The following DOCK4 variants were observed in gnomAD, a reference collection of about 807,000 sequenced individuals.
DOCK4 encodes the protein dedicator of cytokinesis 4.
Under a neutral mutation model 268.1 loss-of-function variants are expected in DOCK4, and 97 were observed. The observed-to-expected ratio is 0.36, with a 90% CI of 0.31 to 0.43. The LOEUF is 0.43. Ranked by LOEUF, DOCK4 falls within the 20% of genes least tolerant of loss-of-function variation. The pLI is 1.00. For missense variants in DOCK4, 2,145 were observed against 2,455.7 expected (o/e 0.87, Z 2.67); for synonymous variants, 954 against 887.2 (o/e 1.08, Z -1.34).
chr7:111,942,071 C>T (rs1477746139), intron 10 of DOCK4, among the ~76,000 whole-genome samples: 1 of 152,144 alleles, frequency 6.6e-6, no homozygotes, highest in Non-Finnish European at 1.5e-5. Flanking sequence ...ACAGTTCTGA[C>T]TGGGCTTTGG....
chr7:111,913,994 A>G (rs1158506575), intron 13 of DOCK4, among the ~76,000 whole-genome samples: 1 of 152,202 alleles, frequency 6.6e-6, no homozygotes, highest in Admixed American at 6.5e-5. Flanking sequence ...CTATTAGTGC[A>G]GTGGAGAACA....
At chr7:112,060,402 A>C (rs1285633511) in intron 1 of DOCK4, among the ~76,000 whole-genome samples, 1 of 152,208 alleles carries the variant, frequency 6.6e-6, no homozygotes, top group Non-Finnish European at 1.5e-5. Context: ...TTCTCTAAAA[A>C]TAGTATAATG....
intron 1 of DOCK4, among the ~76,000 whole-genome samples, chr7:112,067,064 A>C (rs1807143572): frequency 1.3e-5 from 2 of 151,872 alleles, no homozygotes; most frequent in Non-Finnish European, 2.9e-5. Flanking sequence ...CTGTGGTCTC[A>C]GCTACTCAGA....
chr7:111,905,995 A>C (rs79796095), intron 13 of DOCK4, among the ~76,000 whole-genome samples: 306 of 152,268 alleles, frequency 2.0e-3, no homozygotes, highest in African/African-American at 6.9e-3. Context: ...CAACTTTATA[A>C]AAAAGGCACT....
At chr7:112,072,875 G>A (rs1437372034) in intron 1 of DOCK4, among the ~76,000 whole-genome samples, 2 of 152,194 alleles carry the variant, frequency 1.3e-5, no homozygotes, top group Non-Finnish European at 2.9e-5. Context: ...ATACTGGTAA[G>A]GGAAGAATGC....
chr7:112,152,499 C>G (rs1399395928), intron 1 of DOCK4, among the ~76,000 whole-genome samples: 1 of 152,166 alleles, frequency 6.6e-6, no homozygotes, highest in African/African-American at 2.4e-5. Context: ...TCTTAGCTTG[C>G]AGCACTGAGA....
chr7:112,143,595 G>A (rs1202460365), intron 1 of DOCK4, among the ~76,000 whole-genome samples: 1 of 152,066 alleles, frequency 6.6e-6, no homozygotes, highest in East Asian at 1.9e-4. Flanking sequence ...AAAAGTTCGC[G>A]GCTCTCCAAC....
chr7:111,790,629 T>A, intron 30 of DOCK4, 24 bp from the exon 31 acceptor site: 1 of 1,565,980 alleles, frequency 6.4e-7, no homozygotes, highest in Non-Finnish European at 8.6e-7. Context: ...AATATTTGAG[T>A]TTCAATATAT....
chr7:112,013,444 CA>C (rs1360503016), intron 1 of DOCK4, among the ~76,000 whole-genome samples: 1 of 152,166 alleles, frequency 6.6e-6, no homozygotes. Context: ...GTGAACAGTT[CA>C]ACGGAGAAAT....
chr7:112,088,871 A>G (rs1054536860), intron 1 of DOCK4, among the ~76,000 whole-genome samples: 1 of 152,134 alleles, frequency 6.6e-6, no homozygotes, highest in Non-Finnish European at 1.5e-5. Context: ...ACCACCTCAT[A>G]GTGTGACTGA....
In DOCK4 at chr7:112,028,853, G is replaced by T. The variant is rs375787856; in HGVS notation, c.38-24722C>A. Among the ~76,000 whole-genome samples, 9 of 152,220 alleles carry T rather than the reference G, an allele frequency of 5.9e-5. No homozygotes were observed. The East Asian group carries it at 1.7e-3, about 29-fold the overall frequency. ...CGTTAGACAACAAGCATTTCACACC[G>T]AATCATCCTACTGCTCAAACCTGCT... On this transcript the variant is annotated intron_variant, in intron 1 of 52. Coordinates refer to ENST00000428084, the MANE Select transcript of DOCK4 (RefSeq NM_001363540.2).
At chr7:112,099,864 G>C (rs1586821603) in intron 1 of DOCK4, among the ~76,000 whole-genome samples, 1 of 152,104 alleles carries the variant, frequency 6.6e-6, no homozygotes, top group East Asian at 1.9e-4. Context: ...ACTGTAAGTA[G>C]ACTATAATAA....
chr7:111,978,323 C>A (rs530926812), intron 7 of DOCK4, among the ~76,000 whole-genome samples: 1 of 152,168 alleles, frequency 6.6e-6, no homozygotes. Flanking sequence ...CCTCTACCTC[C>A]CAGGCTCAAG....
intron 12 of DOCK4, among the ~76,000 whole-genome samples, chr7:111,927,852 G>T (rs1249023471): frequency 3.3e-5 from 5 of 152,076 alleles, no homozygotes. Context: ...GACCTTCCCT[G>T]CCATTCTCCC....
At chr7:111,995,462 T>C (rs1044813579) in intron 4 of DOCK4, among the ~76,000 whole-genome samples, 12 of 131,922 alleles carry the variant, frequency 9.1e-5, no homozygotes, top group South Asian at 4.8e-4. Context: ...TGTGTGTATG[T>C]GCAGGTGAAA....
At chr7:112,109,750 T>C (rs1811462339) in intron 1 of DOCK4, among the ~76,000 whole-genome samples, 1 of 147,730 alleles carries the variant, frequency 6.8e-6, no homozygotes, top group East Asian at 2.0e-4. Flanking sequence ...TCATCTTTTT[T>C]TTTTTTTTTT....
At chr7:112,158,683 A>C (rs1816830190) in intron 1 of DOCK4, among the ~76,000 whole-genome samples, 1 of 152,220 alleles carries the variant, frequency 6.6e-6, no homozygotes, top group Admixed American at 6.5e-5. Context: ...ATTTCAAAGA[A>C]ACTATCACTT....
intron 13 of DOCK4, among the ~76,000 whole-genome samples, chr7:111,903,723 A>C (rs1476008481): frequency 2.0e-5 from 3 of 152,210 alleles, no homozygotes; most frequent in African/African-American, 7.2e-5. Flanking sequence ...GTTTAACAAG[A>C]GGTTTGGGAG....
At chr7:111,852,114 C>T (rs1365787992) in intron 23 of DOCK4, among the ~76,000 whole-genome samples, 2 of 152,052 alleles carry the variant, frequency 1.3e-5, no homozygotes, top group South Asian at 2.1e-4. Context: ...AGGCATTCGC[C>T]GCCATGCCCG....
Sources: gnomAD v4.1 joint callset for allele counts (sites outside exome capture counted in the v4.1 genomes callset) on GRCh38, gnomAD v4.1.1 for gene constraint, MANE v1.5 for transcripts, NCBI Gene and HGNC (gene_info 2026-07-23, HGNC 2026-07-21) for gene names.